The following MTFP1 variants were observed in gnomAD, a reference collection of about 807,000 sequenced individuals.
The protein encoded by MTFP1 is mitochondrial fission process protein 1.
Under a neutral mutation model 17.1 loss-of-function variants are expected in MTFP1, and 19 were observed. The observed-to-expected ratio is 1.11, with a 90% CI of 0.77 to 1.63. The LOEUF (loss-of-function observed/expected upper bound fraction) is 1.63. Among genes scored for constraint, MTFP1 ranks in the 40% most tolerant of loss-of-function variants. The pLI, the probability that MTFP1 is intolerant of heterozygous loss-of-function variation, is 0.00. For missense variants in MTFP1, 221 were observed against 226.2 expected (o/e 0.98, Z 0.15); for synonymous variants, 89 against 95.2 (o/e 0.93, Z 0.38).
Position 30,427,328 on chromosome 22 carries a change from C to G in MTFP1, c.353C>G (p.Pro118Arg). Residue 118 changes from proline (P) to arginine (R), a missense_variant, in exon 3 of 4, where the codon CCC becomes CGC. Physicochemically the swap from Pro to Arg is moderately radical, Grantham distance 103. Coordinates refer to ENST00000266263, the MANE Select transcript of MTFP1 (RefSeq NM_016498.5). ...GTCCTGGGCACTGCCACCCGCTGGC[C>G]CCTGGCTGTCCGCAAGTGGACCACC... The part of the protein sequence containing the change: ...LYVLGTATRW[P>R]LAVRKWTTTA... The G allele has an allele frequency of 6.2e-7, 1 of 1,614,102 alleles. No homozygotes were observed. Among genetic ancestry groups the G allele is most frequent in the Non-Finnish European group, 8.5e-7 (1 of 1,180,024 alleles).
intron 2 of MTFP1, 97 bp from the exon 3 acceptor site, chr22:30,427,074 C>A: frequency 7.0e-7 from 1 of 1,435,600 alleles, no homozygotes; most frequent in Non-Finnish European, 9.8e-7. Context: ...CGGACAAGTC[C>A]ACTGGCCACT....
rs755380274 is a variant in MTFP1, at chr22:30,428,562, C to T, written c.*28C>T. On this transcript the variant is annotated 3_prime_UTR_variant, in exon 4 of 4. Transcript: ENST00000266263. Reference sequence around the variant, plus strand: ...ATACTCTGGTACCTGGCCTGTGCATCGGCCTCCTGCTTCATGTCAACCTCC... The same window carrying T: ...ATACTCTGGTACCTGGCCTGTGCATTGGCCTCCTGCTTCATGTCAACCTCC... 16 of 1,614,032 alleles carry T rather than the reference C, an allele frequency of 9.9e-6. No homozygotes were observed. Among genetic ancestry groups the T allele is most frequent in the African/African-American group, 9.3e-5 (7 of 74,922 alleles).
Position 30,426,763 on chromosome 22 carries a change from G to T in MTFP1, c.114G>T (p.Ala38=), listed in dbSNP as rs1442317508. The change falls in exon 2 of 4, where the codon GCG becomes GCT. Residue 38 remains alanine (A), a synonymous_variant. Coordinates refer to ENST00000266263, the MANE Select transcript of MTFP1 (RefSeq NM_016498.5). The part of the protein sequence containing the change: ...VGEAFRSLVP[A]AVVWLSYGVA... Reference sequence around the variant, plus strand: ...AGGCTTTCCGCTCTCTTGTGCCAGCGGCGGTGGTGTGGCTGAGCTATGGCG... The same window carrying T: ...AGGCTTTCCGCTCTCTTGTGCCAGCTGCGGTGGTGTGGCTGAGCTATGGCG... The T allele has an allele frequency of 1.9e-6, 3 of 1,613,958 alleles. No individual in the cohort carries two copies. The highest frequency in any genetic ancestry group is 2.5e-6 in the Non-Finnish European group (3 of 1,180,026).
chr22:30,426,002 G>C, intron 1 of MTFP1, 56 bp downstream of exon 1: 1 of 1,420,080 alleles, frequency 7.0e-7, no homozygotes. Context: ...GGAGAAGCAG[G>C]GGTCGCCGGA....
intron 1 of MTFP1, 88 bp from the exon 2 acceptor site, chr22:30,426,629 C>T (rs747989965): frequency 1.9e-6 from 3 of 1,543,132 alleles, no homozygotes; most frequent in Admixed American, 3.6e-5. Flanking sequence ...CCAGGGACTG[C>T]TTAGCTGGCT....
chr22:30,427,267 T>C lies in MTFP1; in HGVS notation c.292T>C (p.Phe98Leu). Residue 98 changes from phenylalanine (F) to leucine (L), a missense_variant, in exon 3 of 4, where the codon TTC becomes CTC. Physicochemically the swap from Phe to Leu is conservative, Grantham distance 22 (BLOSUM62 0). Coordinates refer to ENST00000266263, the MANE Select transcript of MTFP1 (RefSeq NM_016498.5). ...TCTAGCCTCTGTGGCCATTCCGGGC[T>C]TCACCATCAACCGCGTGTGTGCTGC... ...QALASVAIPGFTINRVCAASL... is the reference protein window; with the variant it reads ...QALASVAIPGLTINRVCAASL... 5 of 1,614,070 alleles carry C rather than the reference T, an allele frequency of 3.1e-6. No individual in the cohort carries two copies. The highest frequency in any genetic ancestry group is 4.2e-6 in the Non-Finnish European group (5 of 1,180,040).
rs1477217177 is a variant in MTFP1, at chr22:30,428,505, C to G, written c.472C>G (p.Pro158Ala). ...LLDSSLRKLY[P>A]TVGKPSSS Reference sequence around the variant, plus strand: ...GGACTCCAGCCTGCGCAAGCTCTACCCAACAGTGGGGAAGCCCAGCTCCTC... The same window carrying G: ...GGACTCCAGCCTGCGCAAGCTCTACGCAACAGTGGGGAAGCCCAGCTCCTC... Residue 158 changes from proline to alanine, a missense_variant, in exon 4 of 4, where the codon CCA becomes GCA. By Grantham distance (27) the Pro-to-Ala change is conservative. Coordinates refer to ENST00000266263, the MANE Select transcript of MTFP1 (RefSeq NM_016498.5). 1.2e-6 allele frequency: 2 copies of G among 1,614,162 alleles called. No individual in the cohort carries two copies. The highest frequency in any genetic ancestry group is 1.7e-6 in the Non-Finnish European group (2 of 1,180,022).
At chr22:30,425,969 G>A in intron 1 of MTFP1, 23 bp downstream of exon 1, 4 of 1,494,546 alleles carry the variant, frequency 2.7e-6, no homozygotes, top group Non-Finnish European at 3.6e-6. Context: ...CGACGGGCGC[G>A]GCGACCCCAC....
At chr22:30,426,912 T>C in intron 2 of MTFP1, 68 bp downstream of exon 2, 1 of 1,592,764 alleles carries the variant, frequency 6.3e-7, no homozygotes, top group Non-Finnish European at 8.5e-7. Flanking sequence ...TCCACAGCCT[T>C]GCATGTGATA....
rs749481304 is a variant in MTFP1, at chr22:30,426,778, G to A, written c.129G>A (p.Leu43=). 6.2e-7 allele frequency: 1 copy of A among 1,614,006 alleles called. No individual in the cohort carries two copies. Residue 43 remains leucine (L), a synonymous_variant, in exon 2 of 4, where the codon CTG becomes CTA. Coordinates refer to ENST00000266263, the MANE Select transcript of MTFP1 (RefSeq NM_016498.5). ...RSLVPAAVVW[L]SYGVASSYVL... ...TTGTGCCAGCGGCGGTGGTGTGGCT[G>A]AGCTATGGCGTGGCCAGCTCCTACG...
At position 30,427,175 on chromosome 22, in the gene MTFP1, C is replaced by G; in HGVS notation, c.200C>G (p.Pro67Arg). ...IDKGKKAGEV[P>R]SPEAGRSARV... Reference sequence around the variant, plus strand: ...AAGTGTCTCTGCGCCCACCAGGTGCCCAGCCCTGAAGCAGGCCGCAGCGCC... The same window carrying G: ...AAGTGTCTCTGCGCCCACCAGGTGCGCAGCCCTGAAGCAGGCCGCAGCGCC... Residue 67 changes from proline (P) to arginine (R), a missense_variant, in exon 3 of 4, where the codon CCC becomes CGC. Transcript: ENST00000266263. 1 of 1,614,072 alleles carries G rather than the reference C, an allele frequency of 6.2e-7. No individual in the cohort carries two copies. The highest frequency in any genetic ancestry group is 2.2e-5 in the East Asian group (1 of 44,884).
intron 2 of MTFP1, 122 bp downstream of exon 2, chr22:30,426,966 C>T: frequency 6.7e-7 from 1 of 1,502,994 alleles, no homozygotes; most frequent in Non-Finnish European, 9.1e-7. Context: ...TTGCCTAGTG[C>T]AGTCCATAGA....
intron 1 of MTFP1, among the ~76,000 whole-genome samples, 157 bp downstream of exon 1, chr22:30,426,103 G>A (rs1019787160): frequency 6.6e-6 from 1 of 152,200 alleles, no homozygotes; most frequent in Non-Finnish European, 1.5e-5. Context: ...CTAGGGACTT[G>A]CCCAAGGTCA....
rs769172618 is a variant in MTFP1, at chr22:30,427,167, C to G, written c.196-4C>G. On this transcript the variant is annotated splice_polypyrimidine_tract_variant and splice_region_variant and intron_variant, in intron 2 of 3. Coordinates refer to ENST00000266263, the MANE Select transcript of MTFP1 (RefSeq NM_016498.5). ...GCTGGATTAAGTGTCTCTGCGCCCA[C>G]CAGGTGCCCAGCCCTGAAGCAGGCC... 5.0e-6 allele frequency: 8 copies of G among 1,613,900 alleles called. No homozygotes were observed. Among genetic ancestry groups the G allele is most frequent in the Non-Finnish European group, 6.8e-6 (8 of 1,179,786 alleles).
chr22:30,426,075 G>A (rs1934662801), intron 1 of MTFP1, 129 bp downstream of exon 1: 2 of 955,154 alleles, frequency 2.1e-6, no homozygotes, highest in East Asian at 6.1e-5. Flanking sequence ...TTGGGCCGGA[G>A]ACTGGGCTCA....
Position 30,425,966 on chromosome 22 carries a change from C to G in MTFP1, c.67+20C>G. The G allele has an allele frequency of 6.7e-7, 1 of 1,495,318 alleles. No homozygotes were observed. The highest frequency in any genetic ancestry group is 8.9e-7 in the Non-Finnish European group (1 of 1,123,172). 92.6% of individuals were successfully genotyped at this position (1,495,318 alleles called of 1,614,324 possible). On this transcript the variant is annotated intron_variant, in intron 1 of 3. Coordinates refer to ENST00000266263, the MANE Select transcript of MTFP1 (RefSeq NM_016498.5). The stretch of plus-strand genomic sequence containing the variant: ...ACCTGGGTGAGCGCGGGGCGACGGG[C>G]GCGGCGACCCCACCACCACTGGGCT...
chr22:30,428,418 G>C (rs1488438262), intron 3 of MTFP1, 44 bp from the exon 4 acceptor site: 3 of 1,566,024 alleles, frequency 1.9e-6, no homozygotes, highest in Non-Finnish European at 2.6e-6. Flanking sequence ...GTTCCCTCAT[G>C]AACACCCTTG....
At position 30,427,258 on chromosome 22, in the gene MTFP1, A is replaced by G. The variant is rs1308491420; in HGVS notation, c.283A>G (p.Ile95Val). The G allele has an allele frequency of 1.2e-6, 2 of 1,613,968 alleles. No individual in the cohort carries two copies. Among genetic ancestry groups the G allele is most frequent in the Non-Finnish European group, 1.7e-6 (2 of 1,180,050 alleles). ...ATGGCAGGCTCTAGCCTCTGTGGCC[A>G]TTCCGGGCTTCACCATCAACCGCGT... Reference protein sequence around the residue: ...FVWQALASVAIPGFTINRVCA... With the variant: ...FVWQALASVAVPGFTINRVCA... The change falls in exon 3 of 4, where the codon ATT becomes GTT. Residue 95 changes from isoleucine (I) to valine (V), a missense_variant. Transcript: ENST00000266263.
chr22:30,427,230 T>C lies in MTFP1; in HGVS notation c.255T>C (p.Phe85=). Residue 85 remains phenylalanine, a synonymous_variant, in exon 3 of 4, where the codon TTT becomes TTC. Coordinates refer to ENST00000266263, the MANE Select transcript of MTFP1 (RefSeq NM_016498.5). ...TGACTGTGGCTGTGGTGGACACCTT[T>C]GTATGGCAGGCTCTAGCCTCTGTGG... ...ARVTVAVVDT[F]VWQALASVAI... 3.7e-6 allele frequency: 6 copies of C among 1,614,140 alleles called. No individual in the cohort carries two copies. The highest frequency in any genetic ancestry group is 4.2e-6 in the Non-Finnish European group (5 of 1,180,044).
Sources: gnomAD v4.1 joint callset for allele counts (sites outside exome capture counted in the v4.1 genomes callset) on GRCh38, gnomAD v4.1.1 for gene constraint, MANE v1.5 for transcripts, NCBI Gene and HGNC (gene_info 2026-07-23, HGNC 2026-07-21) for gene names.